CSMD2: variants seen among roughly 807,000 people sequenced by gnomAD.
The protein encoded by CSMD2 is CUB and Sushi multiple domains 2.
CSMD2 carries 130 observed loss-of-function variants against 398.5 expected under a neutral mutation model. The observed-to-expected ratio is 0.33, with a 90% CI of 0.28 to 0.38. The LOEUF (loss-of-function observed/expected upper bound fraction) is 0.38. CSMD2 is among the 10% of genes least tolerant of loss of function. CSMD2 has a pLI of 1.00. For synonymous variants in CSMD2, 1,828 were observed against 1,908.5 expected (o/e 0.96, Z 1.10); for missense variants, 3,829 against 4,764.9 (o/e 0.80, Z 5.78).
At chr1:33,831,677 T>G (rs931423597) in intron 6 of CSMD2, among the ~76,000 whole-genome samples, 1 of 152,164 alleles carries the variant, frequency 6.6e-6, no homozygotes, top group African/African-American at 2.4e-5. Flanking sequence ...ACCTTAAATG[T>G]AAATGGACTA....
chr1:34,096,404 TGGCCAGGGCAATTA>T (rs1361577009), intron 1 of CSMD2, among the ~76,000 whole-genome samples: 3 of 152,092 alleles, frequency 2.0e-5, no homozygotes, highest in African/African-American at 7.3e-5. Context: ...TTGGAAGCTC[TGGCCAGGGCAATTA>T]GGCAGGAGAA....
At chr1:33,855,007 T>C (rs916259984) in intron 5 of CSMD2, among the ~76,000 whole-genome samples, 2 of 152,164 alleles carry the variant, frequency 1.3e-5, no homozygotes, top group Non-Finnish European at 2.9e-5. Context: ...GTAAGGTGTT[T>C]CCTGCCTCTA....
intron 22 of CSMD2, among the ~76,000 whole-genome samples, chr1:33,705,973 A>G (rs1571286557): frequency 6.8e-6 from 1 of 147,962 alleles, no homozygotes; most frequent in Non-Finnish European, 1.5e-5. Context: ...GACAATTGCT[A>G]TTGCTTTTTA....
chr1:33,847,122 A>G lies in CSMD2; in HGVS notation c.921-126T>C. 3 of 594,488 alleles carry G rather than the reference A, an allele frequency of 5.0e-6. No individual in the cohort carries two copies. The South Asian group carries it at 6.4e-5, about 13-fold the overall frequency. 36.8% of individuals were successfully genotyped at this position (594,488 alleles called of 1,614,324 possible). A position where few individuals can be genotyped will look rare whatever the true frequency, so the allele number is the denominator to read the frequency against. On this transcript the variant is annotated intron_variant, in intron 5 of 70. Transcript: ENST00000373381. ...CAGCCCAGCTCTGGAGCAGGAAGGG[A>G]AGGCGGTGTTGCCCCAGGCCCCTCC...
chr1:33,995,293 G>A (rs1011085367), intron 3 of CSMD2, among the ~76,000 whole-genome samples: 3 of 152,192 alleles, frequency 2.0e-5, no homozygotes, highest in Non-Finnish European at 4.4e-5. Flanking sequence ...AGTTGTATAT[G>A]CACGTGGGGT....
chr1:33,700,216 C>T (rs1326260874), intron 23 of CSMD2, among the ~76,000 whole-genome samples: 3 of 152,162 alleles, frequency 2.0e-5, no homozygotes, highest in African/African-American at 7.2e-5. Context: ...ACCATCTTGG[C>T]CAGGCTGGTC....
intron 3 of CSMD2, among the ~76,000 whole-genome samples, chr1:33,975,812 AC>A (rs1242569491): frequency 6.6e-6 from 1 of 152,146 alleles, no homozygotes; most frequent in Non-Finnish European, 1.5e-5. Context: ...GGGATGTCGA[AC>A]TGAATCTGAG....
chr1:34,080,127 CAAAA>C lies in CSMD2; in HGVS notation c.404+8846_404+8849del, dbSNP rs201150922. On this transcript the variant is annotated intron_variant, in intron 2 of 70. Coordinates refer to ENST00000373381, the MANE Select transcript of CSMD2 (RefSeq NM_001281956.2). ...TATTGGTACAAAGTAGAATGTAAAG[CAAAA>C]AAAAAAAAAAAGGAGAGAATAGGGA... 9.8e-3 allele frequency among the ~76,000 whole-genome samples: 750 copies of C among 76,668 alleles called. 8 individuals carry two copies. In the East Asian group the frequency reaches 0.1, roughly 10 times the overall value. The allele number at this position is 76,668 out of a possible 152,430, so 50.3% of individuals were successfully genotyped here.
intron 3 of CSMD2, among the ~76,000 whole-genome samples, chr1:33,995,110 C>T (rs76508327): frequency 0.061 from 9,247 of 151,842 alleles, 345 homozygotes; most frequent in East Asian, 0.096. Context: ...TCCATGAGCT[C>T]TCATCAGTCC....
intron 1 of CSMD2, among the ~76,000 whole-genome samples, chr1:34,115,217 C>A (rs1464856862): frequency 6.6e-6 from 1 of 151,868 alleles, no homozygotes; most frequent in East Asian, 1.9e-4. Context: ...CTTCCTAAAT[C>A]TAAAGAAGAA....
At chr1:33,532,234 C>T (rs1189383692) in intron 64 of CSMD2, among the ~76,000 whole-genome samples, 1 of 152,214 alleles carries the variant, frequency 6.6e-6, no homozygotes, top group Non-Finnish European at 1.5e-5. Flanking sequence ...CATTAATTAA[C>T]TTCTCTATGC....
intron 5 of CSMD2, among the ~76,000 whole-genome samples, chr1:33,849,592 G>A (rs564036809): frequency 6.6e-6 from 1 of 152,204 alleles, no homozygotes; most frequent in South Asian, 2.1e-4. Flanking sequence ...GATTAGATGA[G>A]ATGTACACAT....
At position 34,089,123 on chromosome 1, in the gene CSMD2, G is replaced by A. The variant is rs772558849; in HGVS notation, c.258C>T (p.Tyr86=). The A allele has an allele frequency of 4.3e-6, 7 of 1,613,804 alleles. No individual in the cohort carries two copies. The highest frequency in any genetic ancestry group is 3.4e-6 in the Non-Finnish European group (4 of 1,180,002). Residue 86 remains tyrosine (Y), a synonymous_variant, in exon 2 of 71, where the codon TAC becomes TAT. Transcript: ENST00000373381. ...TVESPGFPYG[Y]PNYANCTWTI... The stretch of plus-strand genomic sequence containing the variant: ...TCCACGTGCAGTTGGCGTAATTGGG[G>A]TAGCCATATGGGAACCCTGGGCTCT...
chr1:34,028,825 C>G (rs1229631417), intron 3 of CSMD2, among the ~76,000 whole-genome samples: 1 of 152,200 alleles, frequency 6.6e-6, no homozygotes, highest in Admixed American at 6.5e-5. Context: ...CACGCTCTTG[C>G]CCCCGGGGAT....
At chr1:33,674,413 C>T (rs374419008) in intron 25 of CSMD2, among the ~76,000 whole-genome samples, 1,535 of 152,112 alleles carry the variant, frequency 0.01, 7 homozygotes, top group Middle Eastern at 0.017. Flanking sequence ...GCTAACTATC[C>T]TAAATATATA....
intron 1 of CSMD2, among the ~76,000 whole-genome samples, chr1:34,110,106 T>C (rs865899521): frequency 8.7e-5 from 13 of 149,344 alleles, no homozygotes; most frequent in Non-Finnish European, 1.3e-4. Context: ...CTCAATATCA[T>C]TGATCATTAG....
intron 25 of CSMD2, among the ~76,000 whole-genome samples, chr1:33,677,088 A>G (rs945063846): frequency 2.0e-5 from 3 of 152,240 alleles, no homozygotes; most frequent in Non-Finnish European, 2.9e-5. Context: ...AGCAATGGGA[A>G]CAAAAGCCAA....
At chr1:33,659,912 T>C (rs1264737836) in intron 26 of CSMD2, among the ~76,000 whole-genome samples, 1 of 152,266 alleles carries the variant, frequency 6.6e-6, no homozygotes, top group Non-Finnish European at 1.5e-5. Flanking sequence ...TGTTTACATA[T>C]CAACATTTGA....
At chr1:33,890,698 A>G (rs576272860) in intron 5 of CSMD2, among the ~76,000 whole-genome samples, 2 of 151,962 alleles carry the variant, frequency 1.3e-5, no homozygotes, top group South Asian at 4.2e-4. Context: ...CAAAACAGAG[A>G]TATAGATCAA....
Sources: gnomAD v4.1 joint callset for allele counts (sites outside exome capture counted in the v4.1 genomes callset) on GRCh38, gnomAD v4.1.1 for gene constraint, MANE v1.5 for transcripts, NCBI Gene and HGNC (gene_info 2026-07-23, HGNC 2026-07-21) for gene names.